The following DPYD variants were observed in gnomAD, a reference collection of about 807,000 sequenced individuals.
The protein encoded by DPYD is dihydropyrimidine dehydrogenase [NADP(+)].
In DPYD, 109 loss-of-function variants were observed where a neutral mutation model predicts 116.2. The observed-to-expected ratio is 0.94, with a 90% CI of 0.80 to 1.10. The LOEUF (loss-of-function observed/expected upper bound fraction) is 1.10. Among genes scored for constraint, DPYD ranks in the 50% least tolerant of loss-of-function variants. DPYD has a pLI of 0.00. For missense variants in DPYD, 1,302 were observed against 1,254.5 expected (o/e 1.04, Z -0.57); for synonymous variants, 440 against 432.0 (o/e 1.02, Z -0.23).
chr1:97,855,136 T>C (rs1046397349), intron 2 of DPYD: 16 of 152,274 alleles, frequency 1.1e-4, no homozygotes, highest in African/African-American at 3.9e-4. Context: ...TGCCAGGCAC[T>C]TGTTCGGTTC....
chr1:97,672,152 C>T lies in DPYD; in HGVS notation c.850+6943G>A, dbSNP rs74105273. Among the ~76,000 whole-genome samples the T allele has an allele frequency of 2.0e-3, 305 of 152,076 alleles. 1 individual carries two copies. Among genetic ancestry groups the T allele is most frequent in the African/African-American group, 7.2e-3 (300 of 41,502 alleles). ...ATAGACTTCTCTGTCTATCTTACGA[C>T]CTGGGCTCAAAGAACTCCCGGTCCA... On this transcript the variant is annotated intron_variant, in intron 8 of 22. Transcript: ENST00000370192.
rs56819543 is a variant in DPYD at position 97,203,793 on chromosome 1, CAAAAAAAAAAAAA to C, written c.2443-10558_2443-10546del. On this transcript the variant is annotated intron_variant, in intron 19 of 22. Coordinates refer to ENST00000370192, the MANE Select transcript of DPYD (RefSeq NM_000110.4). ...AATAACTAAGCAGACATTCACATTC[CAAAAAAAAAAAAA>C]AAAAAAAAAAAAGAACAACTCACCT... Among the ~76,000 whole-genome samples the C allele has an allele frequency of 5.3e-3, 351 of 65,764 alleles. 5 individuals carry two copies. The highest frequency in any genetic ancestry group is 0.02 in the African/African-American group (334 of 17,044). 43.1% of individuals were successfully genotyped at this position (65,764 alleles called of 152,430 possible).
chr1:97,712,173 CTACTT>C (rs1365105914), intron 5 of DPYD, among the ~76,000 whole-genome samples: 5 of 151,884 alleles, frequency 3.3e-5, no homozygotes, highest in Non-Finnish European at 5.9e-5. Context: ...CTCTGTCTCT[CTACTT>C]TAGGAGCTCC....
chr1:97,878,633 C>T (rs758180589), intron 2 of DPYD, among the ~76,000 whole-genome samples: 4 of 151,974 alleles, frequency 2.6e-5, no homozygotes, highest in Non-Finnish European at 5.9e-5. Flanking sequence ...GTCTTCATCA[C>T]CTGTCTTCCA....
At position 97,470,663 on chromosome 1, in the gene DPYD, C is replaced by T. The variant is rs536549221; in HGVS notation, c.1741-20440G>A. Among the ~76,000 whole-genome samples, 5 of 152,244 alleles carry T rather than the reference C, an allele frequency of 3.3e-5. No homozygotes were observed. The South Asian group carries it at 1.0e-3, about 32-fold the overall frequency. ...CAAATGCTAACTTGCTGAAGCTGCC[C>T]ATGTTAGTGATACAGTTAGACCTAC... On this transcript the variant is annotated intron_variant, in intron 13 of 22. Transcript: ENST00000370192.
At chr1:97,260,356 G>A (rs991692229) in intron 18 of DPYD, among the ~76,000 whole-genome samples, 3 of 151,864 alleles carry the variant, frequency 2.0e-5, no homozygotes, top group African/African-American at 7.3e-5. Flanking sequence ...TTTTGGTAAT[G>A]AAACTTATAT....
chr1:97,659,273 A>G (rs1213141853), intron 8 of DPYD, among the ~76,000 whole-genome samples: 1 of 152,212 alleles, frequency 6.6e-6, no homozygotes, highest in Non-Finnish European at 1.5e-5. Flanking sequence ...AGACCATAGT[A>G]AATGCTGGTA....
intron 3 of DPYD, among the ~76,000 whole-genome samples, chr1:97,791,491 G>A (rs1488122118): frequency 1.3e-5 from 2 of 152,164 alleles, no homozygotes; most frequent in African/African-American, 4.8e-5. Context: ...CTACAGGTGT[G>A]CTAAATTTGT....
At chr1:97,863,103 TATA>T (rs1671203387) in intron 2 of DPYD, among the ~76,000 whole-genome samples, 1 of 151,894 alleles carries the variant, frequency 6.6e-6, no homozygotes, top group Admixed American at 6.6e-5. Context: ...AATAGTGAAA[TATA>T]ATAATAATGA....
At chr1:97,454,091 A>G (rs1403365200) in intron 13 of DPYD, among the ~76,000 whole-genome samples, 2 of 152,022 alleles carry the variant, frequency 1.3e-5, no homozygotes, top group African/African-American at 2.4e-5. Flanking sequence ...AAATTCAACT[A>G]AAGTGCAAAA....
intron 13 of DPYD, among the ~76,000 whole-genome samples, chr1:97,478,012 C>T (rs906437464): frequency 6.6e-6 from 1 of 152,176 alleles, no homozygotes; most frequent in African/African-American, 2.4e-5. Context: ...AGCCTTAATG[C>T]ATTTCTTAAA....
intron 20 of DPYD, among the ~76,000 whole-genome samples, chr1:97,188,170 G>C (rs1390018025): frequency 6.6e-6 from 1 of 152,050 alleles, no homozygotes; most frequent in East Asian, 1.9e-4. Context: ...CTTGTTTTCA[G>C]AGTTGCTGTA....
In DPYD at chr1:97,721,561, G is replaced by A. The variant is rs775065182; in HGVS notation, c.432C>T (p.Ala144=). 27 of 1,611,712 alleles carry A rather than the reference G, an allele frequency of 1.7e-5. No individual in the cohort carries two copies. The South Asian group carries it at 2.7e-4, about 16-fold the overall frequency. The change falls in exon 5 of 23, where the codon GCC becomes GCT. Residue 144 remains alanine (A), a synonymous_variant. Coordinates refer to ENST00000370192, the MANE Select transcript of DPYD (RefSeq NM_000110.4). ...DLCVGGCNLY[A]TEEGPINIGG... is the part of the protein sequence containing the mutation. The stretch of plus-strand genomic sequence containing the variant: ...CAATATTAATGGGTCCCTCTTCAGT[G>A]GCATATAAATTGCATCCACCTACAC...
intron 13 of DPYD, among the ~76,000 whole-genome samples, chr1:97,498,827 T>C (rs1438561504): frequency 2.0e-5 from 3 of 151,638 alleles, no homozygotes; most frequent in Non-Finnish European, 4.4e-5. Context: ...AGAAATTTAT[T>C]CTTAGTGATA....
chr1:97,468,202 C>T (rs1392688133), intron 13 of DPYD, among the ~76,000 whole-genome samples: 1 of 152,166 alleles, frequency 6.6e-6, no homozygotes, highest in Non-Finnish European at 1.5e-5. Context: ...TTGTTGCTTT[C>T]TTACTGCTAC....
chr1:97,709,719 A>G (rs1662181555), intron 5 of DPYD, among the ~76,000 whole-genome samples: 1 of 151,932 alleles, frequency 6.6e-6, no homozygotes, highest in African/African-American at 2.4e-5. Context: ...TCTAATCATT[A>G]TATAGTGTTC....
At chr1:97,619,737 T>C (rs1656517380) in intron 8 of DPYD, among the ~76,000 whole-genome samples, 1 of 152,202 alleles carries the variant, frequency 6.6e-6, no homozygotes, top group Non-Finnish European at 1.5e-5. Flanking sequence ...ACACAAACTA[T>C]CTAATTTCAC....
chr1:97,080,324 C>A (rs1649065804), intron 22 of DPYD, among the ~76,000 whole-genome samples: 1 of 151,866 alleles, frequency 6.6e-6, no homozygotes, highest in East Asian at 1.9e-4. Flanking sequence ...TGATTTTTTT[C>A]CTGTCTCATA....
At chr1:97,844,354 G>C (rs1165963077) in intron 2 of DPYD, among the ~76,000 whole-genome samples, 1 of 152,182 alleles carries the variant, frequency 6.6e-6, no homozygotes, top group Non-Finnish European at 1.5e-5. Context: ...TACAGCTTCA[G>C]AATGGGGGCT....
Sources: allele counts gnomAD v4.1 joint callset (sites outside exome capture counted in the v4.1 genomes callset), GRCh38; gene constraint gnomAD v4.1.1; transcripts MANE v1.5; gene names NCBI Gene and HGNC (gene_info 2026-07-23, HGNC 2026-07-21).